Variants in MLIP observed in about 807,000 individuals in gnomAD.
The protein encoded by MLIP is muscular LMNA interacting protein, also known as muscular LMNA-interacting protein.
A neutral mutation model predicts 84.8 loss-of-function variants in MLIP; 79 were observed. The ratio of observed to expected loss-of-function variants is 0.93; its 90% CI spans 0.78 to 1.12. The LOEUF is 1.12. Among genes scored for constraint, MLIP ranks in the 50% most tolerant of loss-of-function variants. The pLI is 0.00. For synonymous variants in MLIP, 504 were observed against 463.0 expected (o/e 1.09, Z -1.14); for missense variants, 1,257 against 1,160.6 (o/e 1.08, Z -1.21).
At chr6:54,216,982 C>T (rs933539330) in intron 11 of MLIP, 18 of 985,260 alleles carry the variant, frequency 1.8e-5, no homozygotes, top group Non-Finnish European at 2.0e-5. Flanking sequence ...TAAATTAAAA[C>T]TGTAGCAAAA....
intron 10 of MLIP, among the ~76,000 whole-genome samples, chr6:54,195,504 C>T (rs947862518): frequency 5.9e-5 from 9 of 152,072 alleles, no homozygotes; most frequent in Admixed American, 3.9e-4. Context: ...TCTAGGTCAG[C>T]GCTGGTAGTT....
chr6:54,224,684 C>T (rs1780456020), intron 11 of MLIP, among the ~76,000 whole-genome samples: 1 of 151,962 alleles, frequency 6.6e-6, no homozygotes. Context: ...CTCCCATCCC[C>T]CGAGCAGTAT....
At chr6:54,233,735 T>C (rs1214638717) in intron 12 of MLIP, among the ~76,000 whole-genome samples, 2 of 151,164 alleles carry the variant, frequency 1.3e-5, no homozygotes, top group Non-Finnish European at 3.0e-5. Context: ...CTGGATCAAA[T>C]GGTATTTCTG....
intron 10 of MLIP, among the ~76,000 whole-genome samples, chr6:54,195,328 C>T (rs888966252): frequency 2.0e-5 from 3 of 152,074 alleles, no homozygotes; most frequent in African/African-American, 7.2e-5. Context: ...TGAAAGCTGG[C>T]ACCCTGTCCT....
chr6:54,233,585 G>A (rs1010081789), intron 12 of MLIP, among the ~76,000 whole-genome samples: 1 of 152,096 alleles, frequency 6.6e-6, no homozygotes, highest in Non-Finnish European at 1.5e-5. Context: ...TCATTGATGG[G>A]CATTTGGGTT....
At chr6:54,262,551 C>T (rs187106029) in intron 13 of MLIP, among the ~76,000 whole-genome samples, 42 of 152,056 alleles carry the variant, frequency 2.8e-4, no homozygotes, top group African/African-American at 7.9e-4. Context: ...GACATGGGGT[C>T]GTTTCATAAC....
chr6:54,222,125 T>G (rs1286428090), intron 11 of MLIP, among the ~76,000 whole-genome samples: 1 of 152,076 alleles, frequency 6.6e-6, no homozygotes, highest in South Asian at 2.1e-4. Flanking sequence ...GACGTTTTGA[T>G]ACATGTATGT....
At chr6:54,106,552 G>T (rs1289890419), upstream of MLIP, among the ~76,000 whole-genome samples, 2 of 151,986 alleles carry the variant, frequency 1.3e-5, no homozygotes, top group Non-Finnish European at 2.9e-5. Context: ...TTCATTTTTT[G>T]GATTTATTTT....
At chr6:54,054,430 CAAAAA>C (rs60998933) in intron 1 of MLIP, among the ~76,000 whole-genome samples, 5 of 131,294 alleles carry the variant, frequency 3.8e-5, no homozygotes, top group Admixed American at 7.6e-5. Flanking sequence ...GAAAAAAAGG[CAAAAA>C]AAAAAAAAAA....
At chr6:54,031,694 G>T (rs1764149584) in intron 1 of MLIP, 1 of 152,186 alleles carries the variant, frequency 6.6e-6, no homozygotes, top group Admixed American at 6.5e-5. Context: ...TTCAGGAAGG[G>T]ACTTGTCCTG....
At chr6:54,214,528 G>A (rs568704103) in intron 11 of MLIP, among the ~76,000 whole-genome samples, 2 of 152,210 alleles carry the variant, frequency 1.3e-5, no homozygotes, top group South Asian at 4.2e-4. Flanking sequence ...CCTCCATCCT[G>A]CTCTCAGTCC....
intron 1 of MLIP, among the ~76,000 whole-genome samples, chr6:54,062,043 C>T (rs1367248809): frequency 6.6e-6 from 1 of 152,118 alleles, no homozygotes. Flanking sequence ...AAATCATTTC[C>T]TGCTGACCTG....
intron 1 of MLIP, among the ~76,000 whole-genome samples, chr6:54,088,792 G>A (rs1028388995): frequency 2.6e-5 from 4 of 152,052 alleles, no homozygotes; most frequent in Admixed American, 6.6e-5. Context: ...TTCTATTTAG[G>A]TGCATGTGTC....
At chr6:54,210,548 G>A (rs2792650) in intron 11 of MLIP, among the ~76,000 whole-genome samples, 146,618 of 151,238 alleles carry the variant, frequency 0.97, 71,168 homozygotes, top group East Asian at 1. Flanking sequence ...ACTCAGATTC[G>A]AGGGAAATAC....
upstream of MLIP, among the ~76,000 whole-genome samples, chr6:54,106,804 G>A (rs1378697011): frequency 6.6e-6 from 1 of 152,186 alleles, no homozygotes; most frequent in Non-Finnish European, 1.5e-5. Flanking sequence ...AATTGTGTGA[G>A]TGAAGTCATC....
intron 1 of MLIP, among the ~76,000 whole-genome samples, chr6:54,093,370 ATT>A (rs1767989937): frequency 6.6e-6 from 1 of 150,794 alleles, no homozygotes; most frequent in African/African-American, 2.4e-5. Context: ...ATTCTATTCT[ATT>A]CTATTCTATT....
chr6:54,215,328 A>C (rs1433222485), intron 11 of MLIP: 2 of 1,371,548 alleles, frequency 1.5e-6, no homozygotes, highest in Admixed American at 3.5e-5. Context: ...TTTTTGAAAA[A>C]ATCAGTCCTT....
intron 10 of MLIP, among the ~76,000 whole-genome samples, chr6:54,192,662 C>T (rs1260094419): frequency 1.3e-5 from 2 of 151,646 alleles, no homozygotes; most frequent in Admixed American, 1.3e-4. Flanking sequence ...AATATGCATA[C>T]ACATATAGAT....
chr6:54,235,082 T>C (rs1168974246), intron 12 of MLIP, among the ~76,000 whole-genome samples: 2 of 152,244 alleles, frequency 1.3e-5, no homozygotes, highest in Non-Finnish European at 2.9e-5. Flanking sequence ...ACTTCTGTGA[T>C]GAAAATCACA....
Sources: allele counts gnomAD v4.1 joint callset (sites outside exome capture counted in the v4.1 genomes callset), GRCh38; gene constraint gnomAD v4.1.1; transcripts MANE v1.5; gene names NCBI Gene and HGNC (gene_info 2026-07-23, HGNC 2026-07-21).